Variants in SAMHD1 observed in about 807,000 individuals in gnomAD.
SAMHD1 encodes the protein SAM and HD domain containing deoxynucleoside triphosphate triphosphohydrolase 1.
Under a neutral mutation model 79.6 loss-of-function variants are expected in SAMHD1, and 54 were observed. The ratio of observed to expected loss-of-function variants is 0.68; its 90% CI spans 0.55 to 0.85. The LOEUF (loss-of-function observed/expected upper bound fraction) is 0.85. Ranked by LOEUF, SAMHD1 falls within the 40% of genes least tolerant of loss-of-function variation. The probability of loss-of-function intolerance (pLI) is 0.00; values close to 1 mark genes in which losing one functional copy is unlikely to be tolerated. For synonymous variants in SAMHD1, 260 were observed against 264.1 expected, an observed-to-expected ratio of 0.98 and a Z score of 0.15; for missense variants, 663 against 782.7, an observed-to-expected ratio of 0.85 and a Z score of 1.82.
At chr20:36,939,841 C>T (rs938916259) in intron 3 of SAMHD1, among the ~76,000 whole-genome samples, 2 of 152,098 alleles carry the variant, frequency 1.3e-5, no homozygotes, top group Non-Finnish European at 2.9e-5. Context: ...AGGTCTATTT[C>T]CTGTCACTAA....
chr20:36,892,549 G>A lies in SAMHD1; in HGVS notation c.*383C>T. 1 of 271,368 alleles carries A rather than the reference G, an allele frequency of 3.7e-6. No homozygotes were observed. The highest frequency in any genetic ancestry group is 7.2e-6 in the Non-Finnish European group (1 of 139,848). 16.8% of individuals were successfully genotyped at this position (271,368 alleles called of 1,614,324 possible). ...CACATGACTTTAGTCCCAGCTACTTGGGGGGCTGAGGCAGGAGGGTCGCTT... is the reference window on the plus strand; with the variant it reads ...CACATGACTTTAGTCCCAGCTACTTAGGGGGCTGAGGCAGGAGGGTCGCTT... On this transcript the variant is annotated 3_prime_UTR_variant, in exon 16 of 16. Coordinates refer to ENST00000646673, the MANE Select transcript of SAMHD1 (RefSeq NM_015474.4).
At position 36,893,084 on chromosome 20, in the gene SAMHD1, A is replaced by C; in HGVS notation, c.1747-18T>G. 2 of 1,611,300 alleles carry C rather than the reference A, an allele frequency of 1.2e-6. No individual in the cohort carries two copies. Among genetic ancestry groups the C allele is most frequent in the Non-Finnish European group, 1.7e-6 (2 of 1,179,946 alleles). ...TCGCCATCCTATTAGGAAGAGAGAGAAAAACAGGCAATAGAGAAAAGCCAG... is the reference window on the plus strand; with the variant it reads ...TCGCCATCCTATTAGGAAGAGAGAGCAAAACAGGCAATAGAGAAAAGCCAG... On this transcript the variant is annotated intron_variant, in intron 15 of 15. Transcript: ENST00000646673.
intron 9 of SAMHD1, among the ~76,000 whole-genome samples, chr20:36,915,840 T>G (rs2148368291): frequency 1.3e-5 from 2 of 151,894 alleles, no homozygotes; most frequent in Middle Eastern, 3.4e-3. Flanking sequence ...TGTATAAAAT[T>G]TTTCAACACT....
intron 12 of SAMHD1, 139 bp downstream of exon 12, chr20:36,905,225 C>G (rs2063397924): frequency 3.3e-6 from 3 of 923,034 alleles, no homozygotes; most frequent in Non-Finnish European, 3.6e-6. Context: ...AGGCCTAAGA[C>G]CCCTGCACTA....
intron 4 of SAMHD1, 200 bp from the exon 5 acceptor site, chr20:36,931,075 T>C: frequency 1.7e-6 from 1 of 604,496 alleles, no homozygotes; most frequent in South Asian, 1.8e-5. Flanking sequence ...ATATCACCAA[T>C]CATTAGAGGA....
At chr20:36,939,959 C>A (rs2146143408) in intron 3 of SAMHD1, among the ~76,000 whole-genome samples, 1 of 152,274 alleles carries the variant, frequency 6.6e-6, no homozygotes, top group African/African-American at 2.4e-5. Flanking sequence ...AGTCCCAGCA[C>A]TTTGGCAGGA....
chr20:36,924,340 A>G (rs1293719910), intron 6 of SAMHD1, among the ~76,000 whole-genome samples: 1 of 151,456 alleles, frequency 6.6e-6, no homozygotes, highest in Non-Finnish European at 1.5e-5. Flanking sequence ...AAGGAAAGGA[A>G]GGAAGGAAGG....
At chr20:36,916,502 C>A in intron 9 of SAMHD1, 1 of 474,994 alleles carries the variant, frequency 2.1e-6, no homozygotes, top group South Asian at 2.3e-5. Flanking sequence ...CAAAAAAACC[C>A]CAAAACCAGT....
chr20:36,931,367 G>A (rs542006917), intron 4 of SAMHD1, among the ~76,000 whole-genome samples: 1 of 152,304 alleles, frequency 6.6e-6, no homozygotes, highest in African/African-American at 2.4e-5. Flanking sequence ...TGGGCTCAGG[G>A]GCTCACGCCT....
chr20:36,911,243 G>A lies in SAMHD1; in HGVS notation c.1245C>T (p.Asp415=). 6.2e-7 allele frequency: 1 copy of A among 1,612,840 alleles called. No homozygotes were observed. Among genetic ancestry groups the A allele is most frequent in the Non-Finnish European group, 8.5e-7 (1 of 1,179,306 alleles). ...CTGTCAGCTTAGTATAGGCTTCCAT[G>A]TCGTCAATTGCTGTAGAAATGCGAT... ...KKYRISTAID[D]MEAYTKLTDN... is the part of the protein sequence containing the mutation. Residue 415 remains aspartate (D), a synonymous_variant, in exon 11 of 16, where the codon GAC becomes GAT. Transcript: ENST00000646673.
intron 1 of SAMHD1, among the ~76,000 whole-genome samples, chr20:36,949,247 GA>G: frequency 6.6e-6 from 1 of 151,916 alleles, no homozygotes; most frequent in South Asian, 2.1e-4. Flanking sequence ...CTGCGTGACA[GA>G]GCGAGACTCC....
At position 36,924,020 on chromosome 20, in the gene SAMHD1, G is replaced by A. The variant is rs192290110; in HGVS notation, c.696+3162C>T. On this transcript the variant is annotated intron_variant, in intron 6 of 15. Transcript: ENST00000646673. ...ATCTCAGCACTTTAGGAGGCCAAGC[G>A]GGGCAGATAGCTTGAGCTCGGGAGT... Among the ~76,000 whole-genome samples, 245 of 152,192 alleles carry A rather than the reference G, an allele frequency of 1.6e-3. 1 individual carries two copies. The highest frequency in any genetic ancestry group is 2.8e-3 in the Non-Finnish European group (192 of 68,014).
At chr20:36,908,422 G>A (rs2063417889) in intron 11 of SAMHD1, among the ~76,000 whole-genome samples, 2 of 151,950 alleles carry the variant, frequency 1.3e-5, no homozygotes. Flanking sequence ...AAATTTTTTA[G>A]AAACAGGGTT....
rs1189818680 is a variant in SAMHD1 at position 36,890,651 on chromosome 20, GTA to G, written c.*2279_*2280del. 1 of 151,944 alleles carries G rather than the reference GTA, an allele frequency of 6.6e-6. No individual in the cohort carries two copies. Among genetic ancestry groups the G allele is most frequent in the Non-Finnish European group, 1.5e-5 (1 of 68,016 alleles). The allele number at this position is 151,944 out of a possible 1,614,324, so 9.4% of individuals were successfully genotyped here. Reference sequence around the variant, plus strand: ...GGCTAATTTCACCCGGCTAATTTTTGTATTTTTAGTAGAGACTGGGTTTCGCC... The same window carrying G: ...GGCTAATTTCACCCGGCTAATTTTTGTTTTTAGTAGAGACTGGGTTTCGCC... On this transcript the variant is annotated 3_prime_UTR_variant, in exon 16 of 16. Coordinates refer to ENST00000646673, the MANE Select transcript of SAMHD1 (RefSeq NM_015474.4).
intron 10 of SAMHD1, chr20:36,911,769 T>C (rs1379420354): frequency 2.7e-5 from 5 of 185,254 alleles, no homozygotes; most frequent in Non-Finnish European, 5.7e-5. Context: ...AGTAATCTGC[T>C]CATGACAAAG....
chr20:36,909,377 A>T (rs1162812010), intron 11 of SAMHD1, among the ~76,000 whole-genome samples: 2 of 152,054 alleles, frequency 1.3e-5, no homozygotes, highest in Non-Finnish European at 2.9e-5. Flanking sequence ...CACATTAAAG[A>T]ACCAGCTGTG....
chr20:36,928,488 A>G (rs1249488249), intron 5 of SAMHD1, among the ~76,000 whole-genome samples: 2 of 151,640 alleles, frequency 1.3e-5, no homozygotes, highest in Non-Finnish European at 2.9e-5. Flanking sequence ...AGTTCAAGAC[A>G]AGCCTGGCTA....
intron 1 of SAMHD1, among the ~76,000 whole-genome samples, chr20:36,948,712 CA>C: frequency 1.4e-5 from 2 of 138,966 alleles, no homozygotes; most frequent in East Asian, 5.3e-4. Flanking sequence ...ACTAAAAATA[CA>C]AAAATTAGCC....
chr20:36,893,022 T>C lies in SAMHD1; in HGVS notation c.1791A>G (p.Glu597=). Residue 597 remains glutamate (E), a synonymous_variant, in exon 16 of 16, where the codon GAA becomes GAG. Transcript: ENST00000646673. ...IAPLITPQKK[E]WNDSTSVQNP... ...TTTGGACTGAAGTACTGTCGTTCCA[T>C]TCCTTTTTTTGAGGTGTTATGAGTG... is the stretch of plus-strand genomic sequence containing the variant. 1 of 1,614,060 alleles carries C rather than the reference T, an allele frequency of 6.2e-7. No individual in the cohort carries two copies.
Sources: allele counts gnomAD v4.1 joint callset (sites outside exome capture counted in the v4.1 genomes callset), GRCh38; gene constraint gnomAD v4.1.1; transcripts MANE v1.5; gene names NCBI Gene and HGNC (gene_info 2026-07-23, HGNC 2026-07-21).